The following MEGF10 variants were observed in gnomAD, a reference collection of about 807,000 sequenced individuals.
MEGF10 encodes the protein multiple EGF like domains 10.
Under a neutral mutation model 147.5 loss-of-function variants are expected in MEGF10, and 86 were observed. The ratio of observed to expected loss-of-function variants is 0.58; its 90% CI spans 0.49 to 0.70. The LOEUF (loss-of-function observed/expected upper bound fraction) is 0.70, where lower values mean the gene tolerates loss of function less well. MEGF10 is among the 30% of genes least tolerant of loss of function. The pLI, the probability that MEGF10 is intolerant of heterozygous loss-of-function variation, is 0.00. For missense variants in MEGF10, 1,329 were observed against 1,487.3 expected (o/e 0.89, Z 1.75); for synonymous variants, 478 against 525.5 (o/e 0.91, Z 1.24).
chr5:127,325,058 A>C (rs1760956151), intron 1 of MEGF10, among the ~76,000 whole-genome samples: 1 of 152,188 alleles, frequency 6.6e-6, no homozygotes, highest in African/African-American at 2.4e-5. Context: ...TATTCCCTGC[A>C]TGGGGATAAT....
rs190366971 is a variant in MEGF10 at position 127,354,869 on chromosome 5, C to T, written c.319+14239C>T. On this transcript the variant is annotated intron_variant, in intron 4 of 24. Transcript: ENST00000503335. ...AAGGATTTTCAATGGCTATGTTTTG[C>T]CTCAGTGTCAGCCACAGGGGGGTCT... 3.4e-3 allele frequency among the ~76,000 whole-genome samples: 521 copies of T among 152,270 alleles called. 2 individuals are homozygous for T. In the Middle Eastern group the frequency reaches 0.061, roughly 18 times the overall value.
chr5:127,337,107 C>T (rs529102951), intron 2 of MEGF10, among the ~76,000 whole-genome samples: 2 of 152,232 alleles, frequency 1.3e-5, no homozygotes, highest in Admixed American at 6.5e-5. Flanking sequence ...AAGGAATGGG[C>T]TCAGTGTTCC....
chr5:127,229,784 G>C, the MEGF10 span: 1 of 152,230 alleles, frequency 6.6e-6, no homozygotes. Flanking sequence ...GGGGCCCGCA[G>C]GCTACGCGGG....
chr5:127,329,810 T>C (rs1325479785), intron 1 of MEGF10, among the ~76,000 whole-genome samples: 2 of 152,210 alleles, frequency 1.3e-5, no homozygotes, highest in Non-Finnish European at 2.9e-5. Context: ...TTTATAATGA[T>C]TAGATGACAT....
At chr5:127,398,204 C>T (rs1223079778) in intron 6 of MEGF10, among the ~76,000 whole-genome samples, 1 of 151,740 alleles carries the variant, frequency 6.6e-6, no homozygotes, top group African/African-American at 2.4e-5. Context: ...GCATATTCTG[C>T]ACATGTATCC....
At chr5:127,384,651 GA>G (rs1763367754) in intron 5 of MEGF10, among the ~76,000 whole-genome samples, 1 of 152,164 alleles carries the variant, frequency 6.6e-6, no homozygotes, top group Non-Finnish European at 1.5e-5. Flanking sequence ...TTTAAAAGAA[GA>G]ATAAAGGTTC....
In MEGF10 at chr5:127,303,335, C is replaced by CAAAAAAAAAAAA. The variant is rs1174955274; in HGVS notation, c.-19+12288_-19+12299dup. ...TGGACAACAGATCGAGACTCCATGT[C>CAAAAAAAAAAAA]AAAAAAAAAAAAAAAAAAAAGCAAT... On this transcript the variant is annotated intron_variant, in intron 1 of 24. Transcript: ENST00000503335. 1.6e-4 allele frequency among the ~76,000 whole-genome samples: 8 copies of CAAAAAAAAAAAA among 50,630 alleles called. 1 individual carries two copies. Among genetic ancestry groups the CAAAAAAAAAAAA allele is most frequent in the Non-Finnish European group, 4.7e-5 (1 of 21,224 alleles). 33.2% of individuals were successfully genotyped at this position (50,630 alleles called of 152,430 possible).
At chr5:127,317,558 T>C (rs533599557) in intron 1 of MEGF10, among the ~76,000 whole-genome samples, 1 of 152,296 alleles carries the variant, frequency 6.6e-6, no homozygotes, top group South Asian at 2.1e-4. Context: ...CACCACGGAA[T>C]ACTATGCAGC....
At chr5:127,376,889 A>AGCC (rs1763052462) in intron 5 of MEGF10, among the ~76,000 whole-genome samples, 1 of 152,214 alleles carries the variant, frequency 6.6e-6, no homozygotes, top group Non-Finnish European at 1.5e-5. Context: ...CAGTAACTTT[A>AGCC]ATCACCGTGG....
At chr5:127,435,328 A>C in intron 15 of MEGF10, 33 bp from the exon 16 acceptor site, 1 of 1,611,134 alleles carries the variant, frequency 6.2e-7, no homozygotes. Context: ...AGGGGTTTTG[A>C]TTGTGAGTTA....
intron 1 of MEGF10, among the ~76,000 whole-genome samples, chr5:127,313,414 G>A (rs542191820): frequency 6.6e-6 from 1 of 152,302 alleles, no homozygotes; most frequent in East Asian, 1.9e-4. Context: ...GATTTATGGA[G>A]AAGAATCAAG....
chr5:127,457,305 G>A lies in MEGF10; in HGVS notation c.3410G>A (p.Ser1137Asn). The stretch of plus-strand genomic sequence containing the variant: ...GGTGGTAGCAGCAGCAACAGCAGCA[G>A]CAGCAGTGAATGACACCAAAGGACC... Reference protein sequence around the residue: ...DSGGSSSNSSSSSE With the variant: ...DSGGSSSNSSNSSE Residue 1137 changes from serine (S) to asparagine (N), a missense_variant, in exon 25 of 25, where the codon AGC becomes AAC. This residue lies in a region of MEGF10 where 343 missense variants were observed against 377.9 expected (regional missense o/e 0.91). Coordinates refer to ENST00000503335, the MANE Select transcript of MEGF10 (RefSeq NM_001256545.2). 6.2e-7 allele frequency: 1 copy of A among 1,613,442 alleles called. No individual in the cohort carries two copies.
chr5:127,341,340 A>T (rs1761676574), intron 4 of MEGF10, among the ~76,000 whole-genome samples: 1 of 152,190 alleles, frequency 6.6e-6, no homozygotes, highest in South Asian at 2.1e-4. Flanking sequence ...GGCTCAACAC[A>T]CAGGTAGAGG....
the MEGF10 span, among the ~76,000 whole-genome samples, chr5:127,258,564 C>G: frequency 6.6e-6 from 1 of 152,144 alleles, no homozygotes; most frequent in Non-Finnish European, 1.5e-5. Flanking sequence ...CTGAGCTTCC[C>G]TTACCTAGTG....
chr5:127,449,135 G>C lies in MEGF10; in HGVS notation c.2893G>C (p.Val965Leu), dbSNP rs760483503. 6 of 1,614,002 alleles carry C rather than the reference G, an allele frequency of 3.7e-6. No homozygotes were observed. The African/African-American group carries it at 4.0e-5, about 11-fold the overall frequency. ...TCAACTGTTTGTGAATCTTAAAAAT[G>C]TGAACCCTGGGAAGAGAGGCCCTGT... ...NNQLFVNLKN[V>L]NPGKRGPVGD... The change falls in exon 22 of 25, where the codon GTG (valine) becomes CTG (leucine). Residue 965 changes from valine to leucine, a missense_variant. Coordinates refer to ENST00000503335, the MANE Select transcript of MEGF10 (RefSeq NM_001256545.2).
chr5:127,374,015 C>T (rs1762937724), intron 5 of MEGF10, among the ~76,000 whole-genome samples: 1 of 152,048 alleles, frequency 6.6e-6, no homozygotes, highest in Non-Finnish European at 1.5e-5. Context: ...CACTCTGCTA[C>T]AAAAAAGGGG....
the MEGF10 span, among the ~76,000 whole-genome samples, chr5:127,284,160 G>A: frequency 6.6e-6 from 1 of 152,128 alleles, no homozygotes; most frequent in African/African-American, 2.4e-5. Context: ...GAGTCATACT[G>A]GAGAAGGGAG....
intron 5 of MEGF10, among the ~76,000 whole-genome samples, chr5:127,374,712 A>G (rs1762963957): frequency 6.6e-6 from 1 of 152,248 alleles, no homozygotes; most frequent in African/African-American, 2.4e-5. Flanking sequence ...ACTTGAAACA[A>G]CTAGCATGTA....
chr5:127,259,154 C>T, the MEGF10 span, among the ~76,000 whole-genome samples: 1 of 152,114 alleles, frequency 6.6e-6, no homozygotes, highest in African/African-American at 2.4e-5. Context: ...CTGATTGTGA[C>T]CCTCCATGAT....
Sources: allele counts gnomAD v4.1 joint callset (sites outside exome capture counted in the v4.1 genomes callset), GRCh38; gene constraint gnomAD v4.1.1; regional missense constraint gnomAD v4.1.1; transcripts MANE v1.5; gene names NCBI Gene and HGNC (gene_info 2026-07-23, HGNC 2026-07-21).